CORO7: variants seen among roughly 807,000 people sequenced by gnomAD.
CORO7 encodes coronin 7.
A neutral mutation model predicts 126.6 loss-of-function variants in CORO7; 107 were observed. That is an observed-to-expected ratio of 0.85 (90% confidence interval 0.72 to 0.99). CORO7 has a LOEUF of 0.99. Ranked by LOEUF, CORO7 falls within the 50% of genes least tolerant of loss-of-function variation. The pLI is 0.00. For synonymous variants in CORO7, 603 were observed against 536.8 expected, an observed-to-expected ratio of 1.12 and a Z score of -1.70; for missense variants, 1,314 against 1,255.8, an observed-to-expected ratio of 1.05 and a Z score of -0.70.
In CORO7 at chr16:4,416,593, G is replaced by T; in HGVS notation, c.-75C>A. Reference sequence around the variant, plus strand: ...TCTCAGGTGCACGCTGAGCAACCGCGACTCCCGCTGCCTCGGCCCCACCCG... The same window carrying T: ...TCTCAGGTGCACGCTGAGCAACCGCTACTCCCGCTGCCTCGGCCCCACCCG... On this transcript the variant is annotated 5_prime_UTR_variant, in exon 1 of 28. Coordinates refer to ENST00000251166, the MANE Select transcript of CORO7 (RefSeq NM_024535.5). The T allele has an allele frequency of 3.9e-6, 6 of 1,532,752 alleles. No homozygotes were observed. The highest frequency in any genetic ancestry group is 5.2e-6 in the Non-Finnish European group (6 of 1,146,586). 94.9% of individuals were successfully genotyped at this position (1,532,752 alleles called of 1,614,324 possible).
chr16:4,361,505 A>G (rs2277853), intron 16 of CORO7, 36 bp from the exon 17 acceptor site: 66,431 of 1,603,932 alleles, frequency 0.041, 2,511 homozygotes, highest in African/African-American at 0.19. Context: ...GCCCATCAGT[A>G]CCAGGCAGAA....
intron 7 of CORO7, among the ~76,000 whole-genome samples, chr16:4,393,353 G>C (rs759732364): frequency 6.6e-6 from 1 of 152,202 alleles, no homozygotes; most frequent in Non-Finnish European, 1.5e-5. Flanking sequence ...ACTGCCTTGA[G>C]ATGCAGACAG....
chr16:4,357,081 T>A (rs566030742), intron 26 of CORO7, 87 bp downstream of exon 26: 5 of 1,538,008 alleles, frequency 3.3e-6, no homozygotes, highest in Non-Finnish European at 3.6e-6. Flanking sequence ...TGTCCCAGTC[T>A]GGGTTGGGGA....
chr16:4,407,888 C>T (rs574469586), intron 4 of CORO7, among the ~76,000 whole-genome samples: 115 of 152,300 alleles, frequency 7.6e-4, no homozygotes, highest in African/African-American at 2.6e-3. Context: ...GGGAGGGAAT[C>T]TCAGCTCCTA....
intron 6 of CORO7, 82 bp from the exon 7 acceptor site, chr16:4,395,421 AC>A: frequency 1.3e-6 from 2 of 1,584,176 alleles, no homozygotes; most frequent in Non-Finnish European, 1.7e-6. Context: ...TCACCTCCCA[AC>A]CCCCAGCTCT....
chr16:4,363,135 G>A (rs1042858948), intron 14 of CORO7: 13 of 159,780 alleles, frequency 8.1e-5, no homozygotes, highest in Non-Finnish European at 1.4e-4. Context: ...TGTTACACTT[G>A]ACAAAGAAGG....
chr16:4,400,042 G>C (rs1232422909), intron 6 of CORO7, among the ~76,000 whole-genome samples: 1 of 152,190 alleles, frequency 6.6e-6, no homozygotes, highest in African/African-American at 2.4e-5. Flanking sequence ...GCTTGGCAGT[G>C]ATCTGGGAGG....
intron 9 of CORO7, among the ~76,000 whole-genome samples, chr16:4,377,215 A>AC (rs999065164): frequency 4.0e-5 from 6 of 151,376 alleles, no homozygotes; most frequent in Admixed American, 3.3e-4. Context: ...TCATCTTCCC[A>AC]CCCCCCGACG....
intron 3 of CORO7, 71 bp downstream of exon 3, chr16:4,412,285 G>C (rs2056240668): frequency 1.3e-6 from 2 of 1,547,502 alleles, no homozygotes; most frequent in African/African-American, 1.4e-5. Context: ...GACCAGGTGA[G>C]GATGAATTTC....
intron 9 of CORO7, among the ~76,000 whole-genome samples, chr16:4,368,482 G>T (rs1466082728): frequency 6.6e-6 from 1 of 151,920 alleles, no homozygotes; most frequent in Non-Finnish European, 1.5e-5. Flanking sequence ...CGCCAGCTGG[G>T]CATGGTGGCT....
At chr16:4,411,176 G>C (rs1188500548) in intron 3 of CORO7, among the ~76,000 whole-genome samples, 1 of 152,212 alleles carries the variant, frequency 6.6e-6, no homozygotes, top group East Asian at 1.9e-4. Context: ...GATAGCTCGA[G>C]GCCAGGAGTT....
intron 7 of CORO7, among the ~76,000 whole-genome samples, chr16:4,390,417 T>A (rs2055346809): frequency 6.6e-6 from 1 of 152,226 alleles, no homozygotes; most frequent in African/African-American, 2.4e-5. Context: ...AGTGTGCATG[T>A]CTCACAGCTG....
At chr16:4,378,081 G>T (rs1176417366) in intron 9 of CORO7, among the ~76,000 whole-genome samples, 2 of 152,198 alleles carry the variant, frequency 1.3e-5, no homozygotes, top group Admixed American at 1.3e-4. Flanking sequence ...CCAGTGCAGG[G>T]TGAAGAGCAC....
chr16:4,406,763 C>A, intron 5 of CORO7, among the ~76,000 whole-genome samples: 1 of 151,506 alleles, frequency 6.6e-6, no homozygotes. Flanking sequence ...CCTCAGCCTC[C>A]TGAGTAGCTG....
intron 9 of CORO7, among the ~76,000 whole-genome samples, chr16:4,378,872 C>T (rs891471507): frequency 7.2e-5 from 11 of 152,054 alleles, no homozygotes; most frequent in African/African-American, 2.7e-4. Context: ...CTTGTTGTCG[C>T]TAACTGGCTA....
chr16:4,380,287 G>A (rs1351239682), intron 9 of CORO7, among the ~76,000 whole-genome samples: 2 of 152,156 alleles, frequency 1.3e-5, no homozygotes, highest in East Asian at 1.9e-4. Flanking sequence ...ACTTCCTGGC[G>A]GCCCGCAGCC....
intron 21 of CORO7, among the ~76,000 whole-genome samples, chr16:4,360,018 C>CGAT (rs2054111618): frequency 4.2e-5 from 6 of 142,508 alleles, no homozygotes; most frequent in Admixed American, 3.6e-4. Context: ...CCAACTCATC[C>CGAT]ATCGATCTCT....
At chr16:4,376,628 C>G (rs2054740701) in intron 9 of CORO7, among the ~76,000 whole-genome samples, 1 of 152,126 alleles carries the variant, frequency 6.6e-6, no homozygotes, top group South Asian at 2.1e-4. Flanking sequence ...ATCCCCTGGC[C>G]CGTCCCCGCC....
intron 9 of CORO7, among the ~76,000 whole-genome samples, chr16:4,373,858 G>A (rs2054620343): frequency 6.6e-6 from 1 of 152,052 alleles, no homozygotes; most frequent in African/African-American, 2.4e-5. Context: ...TGTGTAGAGG[G>A]GAGGCTGCCC....
Sources: allele counts gnomAD v4.1 joint callset (sites outside exome capture counted in the v4.1 genomes callset), GRCh38; gene constraint gnomAD v4.1.1; transcripts MANE v1.5; gene names NCBI Gene and HGNC (gene_info 2026-07-23, HGNC 2026-07-21).